SLC12A9: variants seen among roughly 807,000 people sequenced by gnomAD.
SLC12A9 encodes solute carrier family 12 member 9.
A neutral mutation model predicts 66.0 loss-of-function variants in SLC12A9; 55 were observed. That is an observed-to-expected ratio of 0.83 (90% CI 0.67 to 1.04). SLC12A9 has a LOEUF of 1.04. Among genes scored for constraint, SLC12A9 ranks in the 50% least tolerant of loss-of-function variants. The pLI is 0.00. For missense variants in SLC12A9, 1,061 were observed against 1,241.9 expected (o/e 0.85, Z 2.19); for synonymous variants, 577 against 569.0 (o/e 1.01, Z -0.20).
chr7:100,847,751 G>T (rs1813949919), upstream of SLC12A9, among the ~76,000 whole-genome samples: 1 of 151,808 alleles, frequency 6.6e-6, no homozygotes. Flanking sequence ...ATTTAGTTTT[G>T]GACATACCAA....
rs1379888712 is a variant in SLC12A9 at position 100,863,433 on chromosome 7, A to G, written c.1858+606A>G. Among the ~76,000 whole-genome samples the G allele has an allele frequency of 3.9e-5, 6 of 152,204 alleles. No homozygotes were observed. The Middle Eastern group carries it at 0.01, about 259-fold the overall frequency. On this transcript the variant is annotated intron_variant, in intron 13 of 13. Coordinates refer to ENST00000354161, the MANE Select transcript of SLC12A9 (RefSeq NM_020246.4). Reference sequence around the variant, plus strand: ...ACTGAAGAGTGTATTTTTGGAGACAATGGAGCATTATTTGAATCTCCAGCT... The same window carrying G: ...ACTGAAGAGTGTATTTTTGGAGACAGTGGAGCATTATTTGAATCTCCAGCT...
chr7:100,858,795 G>A (rs760743351), intron 5 of SLC12A9, 40 bp from the exon 6 acceptor site: 21 of 1,601,804 alleles, frequency 1.3e-5, no homozygotes, highest in South Asian at 7.7e-5. Flanking sequence ...TCCCTGAGAC[G>A]GATGCTGATG....
intron 5 of SLC12A9, chr7:100,858,541 G>A (rs7782299): frequency 0.27 from 80,658 of 303,906 alleles, 12,370 homozygotes; most frequent in East Asian, 0.45. Context: ...AGTGAGCTAC[G>A]ATGGTGCCAC....
chr7:100,830,996 G>C (rs1478260202), intron 1 of SLC12A9, among the ~76,000 whole-genome samples: 1 of 152,028 alleles, frequency 6.6e-6, no homozygotes, highest in Non-Finnish European at 1.5e-5. Context: ...CTGTTCTGCA[G>C]ACCAAACCAA....
intron 5 of SLC12A9, chr7:100,857,412 G>C (rs1310640059): frequency 5.2e-6 from 3 of 574,310 alleles, no homozygotes; most frequent in Non-Finnish European, 3.1e-6. Flanking sequence ...TAGCTGAGGA[G>C]AGACATGCAT....
At chr7:100,849,386 T>C (rs977080568), upstream of SLC12A9, among the ~76,000 whole-genome samples, 15 of 150,918 alleles carry the variant, frequency 9.9e-5, no homozygotes, top group Non-Finnish European at 1.8e-4. Flanking sequence ...CAGTGGGATG[T>C]GGAGGGAGTG....
chr7:100,866,431 G>T lies in SLC12A9; in HGVS notation c.2571G>T (p.Glu857Asp). The T allele has an allele frequency of 1.9e-6, 3 of 1,548,228 alleles. No individual in the cohort carries two copies. Among genetic ancestry groups the T allele is most frequent in the Non-Finnish European group, 2.6e-6 (3 of 1,145,908 alleles). ...RGTGGGPGGP[E>D]GGDAEGPITA... is the part of the protein sequence containing the mutation. The stretch of plus-strand genomic sequence containing the variant: ...CAGGAGGAGGGCCGGGTGGGCCGGA[G>T]GGTGGGGATGCTGAGGGCCCCATCA... Residue 857 changes from glutamate (E) to aspartate (D), a missense_variant, in exon 14 of 14, where the codon GAG (glutamate) becomes GAT (aspartate). Transcript: ENST00000354161. This position sits in a 1 kb window ranked among gnomAD's most constrained non-coding sequence, Gnocchi z 7.3.
In SLC12A9 at chr7:100,856,883, G is replaced by A. The variant is rs746391848; in HGVS notation, c.464G>A (p.Ser155Asn). Residue 155 changes from serine (S) to asparagine (N), a missense_variant, in exon 5 of 14, where the codon AGT (serine) becomes AAT (asparagine). Physicochemically the swap from Ser to Asn is conservative, Grantham distance 46. Coordinates refer to ENST00000354161, the MANE Select transcript of SLC12A9 (RefSeq NM_020246.4). ...DVFGADATGPSGLRVLPQGYG... is the reference protein window; with the variant it reads ...DVFGADATGPNGLRVLPQGYG... ...CTCTCTCCAGATGCCACAGGGCCCA[G>A]TGGGCTCCGGGTCCTGCCCCAGGGC... is the stretch of plus-strand genomic sequence containing the variant. 5 of 1,600,846 alleles carry A rather than the reference G, an allele frequency of 3.1e-6. No individual in the cohort carries two copies. The Admixed American group carries it at 6.7e-5, about 21-fold the overall frequency.
At chr7:100,837,922 G>A (rs1010464789) in intron 1 of SLC12A9, among the ~76,000 whole-genome samples, 4 of 134,634 alleles carry the variant, frequency 3.0e-5, no homozygotes, top group Admixed American at 7.9e-5. Context: ...GTGCAGTGGC[G>A]TGATCTTCGC....
In SLC12A9 at chr7:100,854,294, T is replaced by G; in HGVS notation, c.97T>G (p.Ser33Ala). The change falls in exon 2 of 14, where the codon TCT becomes GCT. Residue 33 changes from serine to alanine, a missense_variant. Physicochemically the swap from Ser to Ala is moderately conservative, Grantham distance 99. Transcript: ENST00000354161. The part of the protein sequence containing the change: ...ANGAGGPGGA[S>A]ARKLSTFLGV... ...TGGGGCCGGGGGTCCTGGAGGGGCG[T>G]CTGCCCGGAAGCTGTCCACCTTCCT... is the stretch of plus-strand genomic sequence containing the variant. 1 of 1,599,820 alleles carries G rather than the reference T, an allele frequency of 6.3e-7. No homozygotes were observed. Among genetic ancestry groups the G allele is most frequent in the Non-Finnish European group, 8.5e-7 (1 of 1,176,298 alleles).
At chr7:100,843,791 A>G (rs949426708) in intron 1 of SLC12A9, among the ~76,000 whole-genome samples, 1 of 152,194 alleles carries the variant, frequency 6.6e-6, no homozygotes, top group African/African-American at 2.4e-5. Context: ...GAAAATCCCC[A>G]CATAACCATT....
upstream of SLC12A9, among the ~76,000 whole-genome samples, chr7:100,850,041 T>C (rs1373188875): frequency 6.6e-6 from 1 of 151,832 alleles, no homozygotes; most frequent in African/African-American, 2.4e-5. Flanking sequence ...CCCGGCTAAT[T>C]TTTGTATTTT....
rs779452802 is a variant in SLC12A9, at chr7:100,866,622, G to T, written c.*17G>T. ...GATCTGTGATGCCCCTGCCTCCAGGGCTAGGTAGAGAGGGCCCAGGCAGGC... is the reference window on the plus strand; with the variant it reads ...GATCTGTGATGCCCCTGCCTCCAGGTCTAGGTAGAGAGGGCCCAGGCAGGC... On this transcript the variant is annotated 3_prime_UTR_variant, in exon 14 of 14. Coordinates refer to ENST00000354161, the MANE Select transcript of SLC12A9 (RefSeq NM_020246.4). This position sits in a 1 kb window ranked among gnomAD's most constrained non-coding sequence, Gnocchi z 7.3. The T allele has an allele frequency of 8.5e-6, 13 of 1,522,092 alleles. 1 individual carries two copies. In the South Asian group the frequency reaches 1.6e-4, roughly 19 times the overall value. The allele number at this position is 1,522,092 out of a possible 1,614,324, so 94.3% of individuals were successfully genotyped here.
At chr7:100,840,236 G>A (rs986937843) in intron 1 of SLC12A9, among the ~76,000 whole-genome samples, 1 of 152,094 alleles carries the variant, frequency 6.6e-6, no homozygotes, top group Admixed American at 6.6e-5. Context: ...AAGAAGCATA[G>A]GTCAGGCACA....
chr7:100,838,596 C>T (rs1027192702), intron 1 of SLC12A9, among the ~76,000 whole-genome samples: 1 of 152,050 alleles, frequency 6.6e-6, no homozygotes, highest in African/African-American at 2.4e-5. Context: ...TGGCTCACTG[C>T]GACCTGGCCT....
At chr7:100,865,473 G>A (rs988836375) in intron 13 of SLC12A9, 13 of 1,532,904 alleles carry the variant, frequency 8.5e-6, no homozygotes, top group Middle Eastern at 1.8e-4. Context: ...ATCCTAAGGC[G>A]AACTTTGCCT....
chr7:100,849,866 A>G (rs1306002751), upstream of SLC12A9, among the ~76,000 whole-genome samples: 1 of 146,600 alleles, frequency 6.8e-6, no homozygotes, highest in Non-Finnish European at 1.5e-5. Context: ...TCTCCCCAAC[A>G]TCTTCCCTTC....
rs1228027308 is a variant in SLC12A9 at position 100,861,664 on chromosome 7, C to T, written c.1537-73C>T. The T allele has an allele frequency of 2.5e-6, 4 of 1,608,670 alleles. No individual in the cohort carries two copies. Among genetic ancestry groups the T allele is most frequent in the Non-Finnish European group, 3.4e-6 (4 of 1,175,712 alleles). Reference sequence around the variant, plus strand: ...CTCTCTTTGGCTGGAGTTGGTGCTCCCGTCCAGGAGGCGCTGAACGGGGCT... The same window carrying T: ...CTCTCTTTGGCTGGAGTTGGTGCTCTCGTCCAGGAGGCGCTGAACGGGGCT... On this transcript the variant is annotated intron_variant, in intron 11 of 13. Coordinates refer to ENST00000354161, the MANE Select transcript of SLC12A9 (RefSeq NM_020246.4). This position sits in a 1 kb window ranked among gnomAD's most constrained non-coding sequence, Gnocchi z 5.3.
At chr7:100,840,629 G>C (rs908950458) in intron 1 of SLC12A9, among the ~76,000 whole-genome samples, 3 of 151,938 alleles carry the variant, frequency 2.0e-5, no homozygotes, top group African/African-American at 4.8e-5. Context: ...GACAGACAGA[G>C]AGGGAGTCAA....
Sources: gnomAD v4.1 joint callset for allele counts (sites outside exome capture counted in the v4.1 genomes callset) on GRCh38, gnomAD v4.1.1 for gene constraint, Gnocchi (gnomAD v3.1) non-coding constraint, MANE v1.5 for transcripts, NCBI Gene and HGNC (gene_info 2026-07-23, HGNC 2026-07-21) for gene names.